The following PLEKHG4B variants were observed in gnomAD, a reference collection of about 807,000 sequenced individuals.
The protein encoded by PLEKHG4B is pleckstrin homology and RhoGEF domain containing G4B.
PLEKHG4B carries 111 observed loss-of-function variants against 121.3 expected under a neutral mutation model. The ratio of observed to expected loss-of-function variants is 0.92; its 90% CI spans 0.78 to 1.07. The LOEUF is 1.07. PLEKHG4B is among the 50% of genes least tolerant of loss of function. The pLI is 0.00. For missense variants in PLEKHG4B, 1,831 were observed against 1,757.8 expected (o/e 1.04, Z -0.74); for synonymous variants, 738 against 725.0 (o/e 1.02, Z -0.29).
intron 13 of PLEKHG4B, among the ~76,000 whole-genome samples, chr5:168,572 C>T (rs559744039): frequency 3.5e-4 from 53 of 152,300 alleles, no homozygotes; most frequent in African/African-American, 1.3e-3. Flanking sequence ...GTGTTTGAGT[C>T]ATCTCACCGC....
intron 2 of PLEKHG4B, among the ~76,000 whole-genome samples, chr5:134,659 G>A (rs1734894923): frequency 2.0e-5 from 3 of 151,758 alleles, no homozygotes; most frequent in East Asian, 1.9e-4. Context: ...CGAGCTACTC[G>A]GATGGCTGAG....
intron 18 of PLEKHG4B, among the ~76,000 whole-genome samples, chr5:177,881 G>A (rs55870804): frequency 2.6e-5 from 4 of 151,826 alleles, no homozygotes; most frequent in African/African-American, 7.3e-5. Context: ...TGAGACTTTC[G>A]TCCCTTTTCT....
At chr5:154,699 T>C (rs944929045) in intron 7 of PLEKHG4B, among the ~76,000 whole-genome samples, 176 bp from the exon 8 acceptor site, 3 of 151,356 alleles carry the variant, frequency 2.0e-5, no homozygotes, top group Non-Finnish European at 4.4e-5. Flanking sequence ...TTTCCCGTCT[T>C]CTCGCTTTCA....
chr5:103,488 T>C (rs1458822407), intron 1 of PLEKHG4B, among the ~76,000 whole-genome samples: 1 of 152,190 alleles, frequency 6.6e-6, no homozygotes, highest in Non-Finnish European at 1.5e-5. Flanking sequence ...TTTACACAGC[T>C]GTGTACATTG....
intron 2 of PLEKHG4B, among the ~76,000 whole-genome samples, chr5:121,171 C>T (rs535141671): frequency 5.9e-5 from 9 of 151,734 alleles, no homozygotes; most frequent in South Asian, 2.1e-4. Context: ...GGCGTGAACC[C>T]GGGAGGTGGA....
intron 2 of PLEKHG4B, among the ~76,000 whole-genome samples, chr5:127,171 G>A (rs1216811830): frequency 6.6e-6 from 1 of 152,030 alleles, no homozygotes; most frequent in Non-Finnish European, 1.5e-5. Context: ...CTTCCAGCTT[G>A]CTTGTCTATG....
intron 2 of PLEKHG4B, among the ~76,000 whole-genome samples, chr5:116,173 G>A (rs1172546390): frequency 6.6e-6 from 1 of 152,110 alleles, no homozygotes; most frequent in African/African-American, 2.4e-5. Context: ...CAATATTATT[G>A]TGTCTTAGGG....
intron 17 of PLEKHG4B, 78 bp from the exon 18 acceptor site, chr5:173,840 G>A: frequency 6.6e-7 from 1 of 1,515,978 alleles, no homozygotes; most frequent in South Asian, 1.3e-5. Flanking sequence ...GTGACCTCCA[G>A]CACTGAGGAA....
At chr5:161,717 C>T in intron 11 of PLEKHG4B, 66 bp from the exon 12 acceptor site, 1 of 1,607,948 alleles carries the variant, frequency 6.2e-7, no homozygotes, top group Middle Eastern at 1.7e-4. Flanking sequence ...GCAGACCCAG[C>T]CCACACCTGG....
At chr5:146,171 C>T (rs1015324018) in intron 6 of PLEKHG4B, among the ~76,000 whole-genome samples, 6 of 132,850 alleles carry the variant, frequency 4.5e-5, no homozygotes, top group Admixed American at 1.5e-4. Context: ...CATTCTGCAG[C>T]CCTCCCTCCT....
chr5:177,810 C>T (rs1429219669), intron 18 of PLEKHG4B, among the ~76,000 whole-genome samples: 1 of 152,210 alleles, frequency 6.6e-6, no homozygotes, highest in Non-Finnish European at 1.5e-5. Flanking sequence ...GCACAGTGCG[C>T]ACCTTTCCCT....
intron 1 of PLEKHG4B, among the ~76,000 whole-genome samples, chr5:106,924 G>A (rs913903748): frequency 4.3e-4 from 65 of 152,348 alleles, no homozygotes; most frequent in African/African-American, 1.5e-3. Flanking sequence ...GCACGCAGGT[G>A]TCTAGGTACT....
rs1433070175 is a variant in PLEKHG4B, at chr5:137,254, G to C, written c.244-2229G>C. Reference sequence around the variant, plus strand: ...GGAATGGTGGGTGCCAGGGGCTCAGGGGCAGGGGAATGGTGAGCTGGTGTT... The same window carrying C: ...GGAATGGTGGGTGCCAGGGGCTCAGCGGCAGGGGAATGGTGAGCTGGTGTT... On this transcript the variant is annotated intron_variant, in intron 2 of 19. Coordinates refer to ENST00000637938, the MANE Select transcript of PLEKHG4B (RefSeq NM_052909.5). This position sits in a 1 kb window ranked among gnomAD's most constrained non-coding sequence, Gnocchi z 4.2. Among the ~76,000 whole-genome samples the C allele has an allele frequency of 2.0e-5, 3 of 152,158 alleles. No individual in the cohort carries two copies. Among genetic ancestry groups the C allele is most frequent in the Admixed American group, 1.3e-4 (2 of 15,280 alleles).
At chr5:148,775 T>TA (rs973725106) in intron 6 of PLEKHG4B, among the ~76,000 whole-genome samples, 4 of 152,098 alleles carry the variant, frequency 2.6e-5, no homozygotes, top group African/African-American at 9.7e-5. Flanking sequence ...AAAACAATTG[T>TA]AAAAAATAAA....
At chr5:121,726 A>G (rs987717904) in intron 2 of PLEKHG4B, among the ~76,000 whole-genome samples, 3 of 152,180 alleles carry the variant, frequency 2.0e-5, no homozygotes, top group Non-Finnish European at 4.4e-5. Context: ...AAAGAAAAAA[A>G]TTCTATATCC....
rs1006239295 is a variant in PLEKHG4B at position 159,678 on chromosome 5, G to A, written c.2488-2105G>A. Among the ~76,000 whole-genome samples the A allele has an allele frequency of 6.6e-6, 1 of 152,064 alleles. No individual in the cohort carries two copies. Among genetic ancestry groups the A allele is most frequent in the Non-Finnish European group, 1.5e-5 (1 of 67,976 alleles). ...GCGACCCCTGGCTAGGAAGCCTGTG[G>A]CCCACGCATCTTTAGCATTTTCTCC... On this transcript the variant is annotated intron_variant, in intron 11 of 19. Transcript: ENST00000637938. The surrounding 1 kb of genome is among the most constrained non-coding windows in gnomAD (Gnocchi z 5.5).
intron 18 of PLEKHG4B, among the ~76,000 whole-genome samples, chr5:178,575 T>C (rs1298921027): frequency 6.6e-6 from 1 of 152,174 alleles, no homozygotes; most frequent in African/African-American, 2.4e-5. Context: ...CCCATGATGA[T>C]GTAAATTTGA....
intron 13 of PLEKHG4B, among the ~76,000 whole-genome samples, chr5:164,479 GAGCTCACAC>G (rs1178281528): frequency 2.4e-4 from 31 of 130,016 alleles, no homozygotes; most frequent in African/African-American, 1.2e-3. Flanking sequence ...TGACGGAGCA[GAGCTCACAC>G]TAATGCTCTG....
At position 140,359 on chromosome 5, in the gene PLEKHG4B, G is replaced by C; in HGVS notation, c.1120G>C (p.Gly374Arg). ...MPLGSSEEALGDLACSSLTGA... is the reference protein window; with the variant it reads ...MPLGSSEEALRDLACSSLTGA... The stretch of plus-strand genomic sequence containing the variant: ...CCTGGGCAGCTCTGAGGAGGCCCTC[G>C]GGGACCTGGCCTGCAGCTCCCTGAC... The change falls in exon 3 of 20, where the codon GGG becomes CGG. Residue 374 changes from glycine (G) to arginine (R), a missense_variant. Coordinates refer to ENST00000637938, the MANE Select transcript of PLEKHG4B (RefSeq NM_052909.5). 6.4e-7 allele frequency: 1 copy of C among 1,551,884 alleles called. No homozygotes were observed. The highest frequency in any genetic ancestry group is 8.7e-7 in the Non-Finnish European group (1 of 1,148,828).
Sources: allele counts gnomAD v4.1 joint callset (sites outside exome capture counted in the v4.1 genomes callset), GRCh38; gene constraint gnomAD v4.1.1; non-coding constraint Gnocchi (gnomAD v3.1); transcripts MANE v1.5; gene names NCBI Gene and HGNC (gene_info 2026-07-23, HGNC 2026-07-21).